SNX9: variants seen among roughly 807,000 people sequenced by gnomAD.
SNX9 encodes the protein sorting nexin-9.
SNX9 carries 44 observed loss-of-function variants against 89.4 expected under a neutral mutation model. That is an observed-to-expected ratio of 0.49 (90% CI 0.39 to 0.63). The LOEUF (loss-of-function observed/expected upper bound fraction) is 0.63, where lower values mean the gene tolerates loss of function less well. Ranked by LOEUF, SNX9 falls within the 30% of genes least tolerant of loss-of-function variation. The pLI, the probability that SNX9 is intolerant of heterozygous loss-of-function variation, is 0.00. For missense variants in SNX9, 578 were observed against 736.1 expected (o/e 0.79, Z 2.49); for synonymous variants, 236 against 247.8 (o/e 0.95, Z 0.45).
intron 1 of SNX9, among the ~76,000 whole-genome samples, chr6:157,842,908 C>T (rs1464146454): frequency 6.6e-6 from 1 of 152,144 alleles, no homozygotes; most frequent in African/African-American, 2.4e-5. Flanking sequence ...GCAGACTGGA[C>T]CCCAGACAAG....
intron 1 of SNX9, among the ~76,000 whole-genome samples, chr6:157,850,878 A>C (rs931128315): frequency 3.9e-5 from 6 of 152,222 alleles, no homozygotes; most frequent in Non-Finnish European, 7.3e-5. Flanking sequence ...GGCTAACGCC[A>C]TAGAAGGAAG....
chr6:157,938,501 CTCTT>C, intron 15 of SNX9, 128 bp from the exon 16 acceptor site: 1 of 581,746 alleles, frequency 1.7e-6, no homozygotes. Context: ...ATGCTTTCCT[CTCTT>C]CTTATTTTGT....
chr6:157,860,763 A>G (rs1246827744), intron 1 of SNX9, among the ~76,000 whole-genome samples: 2 of 152,236 alleles, frequency 1.3e-5, no homozygotes, highest in Non-Finnish European at 2.9e-5. Flanking sequence ...AGTGAACTAC[A>G]GAGAGAGGGA....
Position 157,867,360 on chromosome 6 carries a change from G to T in SNX9, c.13-187G>T, listed in dbSNP as rs559398747. 1.2e-4 allele frequency among the ~76,000 whole-genome samples: 19 copies of T among 152,290 alleles called. No homozygotes were observed. In the South Asian group the frequency reaches 3.9e-3, roughly 32 times the overall value. On this transcript the variant is annotated intron_variant, in intron 1 of 17. Coordinates refer to ENST00000392185, the MANE Select transcript of SNX9 (RefSeq NM_016224.5). Reference sequence around the variant, plus strand: ...TCCGGAACAGAACAGGGCTATCACCGTTGGTGTTATTCTTCCTCAGAGTAG... The same window carrying T: ...TCCGGAACAGAACAGGGCTATCACCTTTGGTGTTATTCTTCCTCAGAGTAG...
chr6:157,840,428 CTTTT>C (rs1562590901), intron 1 of SNX9, among the ~76,000 whole-genome samples: 10 of 144,002 alleles, frequency 6.9e-5, no homozygotes, highest in African/African-American at 2.3e-4. Flanking sequence ...TCTTTTCTTT[CTTTT>C]CTTTCCTTTC....
chr6:157,867,814 G>A (rs545310647), intron 2 of SNX9, among the ~76,000 whole-genome samples, 181 bp downstream of exon 2: 2 of 152,262 alleles, frequency 1.3e-5, no homozygotes, highest in Admixed American at 6.5e-5. Context: ...ATGAAATATT[G>A]ATGGTGAAGT....
chr6:157,891,178 C>T (rs1583220022), intron 4 of SNX9, among the ~76,000 whole-genome samples: 1 of 151,764 alleles, frequency 6.6e-6, no homozygotes, highest in East Asian at 1.9e-4. Context: ...ATTATAGGCT[C>T]CTGCCACCAC....
At chr6:157,870,422 G>A (rs113320890) in intron 2 of SNX9, among the ~76,000 whole-genome samples, 3,121 of 141,880 alleles carry the variant, frequency 0.022, 97 homozygotes, top group African/African-American at 0.077. Flanking sequence ...TCTCACACAC[G>A]CACACTCACA....
intron 1 of SNX9, chr6:157,830,609 T>G (rs1781462010): frequency 6.6e-6 from 1 of 152,250 alleles, no homozygotes; most frequent in Non-Finnish European, 1.5e-5. Context: ...GTGTACTCTT[T>G]GTGATGATGT....
chr6:157,863,572 A>G (rs1194579349), intron 1 of SNX9, among the ~76,000 whole-genome samples: 2 of 152,204 alleles, frequency 1.3e-5, no homozygotes, highest in African/African-American at 4.8e-5. Context: ...ATAGTTGAAG[A>G]ATGAGTTCTT....
At chr6:157,935,856 T>G in intron 13 of SNX9, 108 bp from the exon 14 acceptor site, 3 of 799,360 alleles carry the variant, frequency 3.8e-6, no homozygotes. Context: ...TGAAAATGTT[T>G]GAAAGTTTCT....
Position 157,942,900 on chromosome 6 carries a change from A to G in SNX9, c.*62A>G. The stretch of plus-strand genomic sequence containing the variant: ...CTCCTGACTTGGGGCAATGCAATTC[A>G]AAACTTTTTTTCCCCTATTATTCAG... On this transcript the variant is annotated 3_prime_UTR_variant, in exon 18 of 18. Coordinates refer to ENST00000392185, the MANE Select transcript of SNX9 (RefSeq NM_016224.5). The G allele has an allele frequency of 1.3e-6, 2 of 1,510,882 alleles. No individual in the cohort carries two copies. The highest frequency in any genetic ancestry group is 1.8e-6 in the Non-Finnish European group (2 of 1,119,662). The allele number at this position is 1,510,882 out of a possible 1,614,324, so 93.6% of individuals were successfully genotyped here. A position where few individuals can be genotyped will look rare whatever the true frequency, so the allele number is the denominator to read the frequency against.
At position 157,927,748 on chromosome 6, in the gene SNX9, A is replaced by G. The variant is rs534560308; in HGVS notation, c.1184+534A>G. On this transcript the variant is annotated intron_variant, in intron 11 of 17. Transcript: ENST00000392185. ...TTTTTTTTTTTTTTTTTTTTTTGAG[A>G]CGGAGTCTTGCTCTGTCACCCAGGC... Among the ~76,000 whole-genome samples, 5 of 88,994 alleles carry G rather than the reference A, an allele frequency of 5.6e-5. No individual in the cohort carries two copies. The East Asian group carries it at 1.7e-3, about 29-fold the overall frequency. 58.4% of individuals were successfully genotyped at this position (88,994 alleles called of 152,430 possible). A position where few individuals can be genotyped will look rare whatever the true frequency, so the allele number is the denominator to read the frequency against.
At chr6:157,834,952 A>C (rs1349343946) in intron 1 of SNX9, among the ~76,000 whole-genome samples, 1 of 152,224 alleles carries the variant, frequency 6.6e-6, no homozygotes. Flanking sequence ...CTGTGGTTAC[A>C]ATAGGTTGAG....
Position 157,940,941 on chromosome 6 carries a change from G to A in SNX9, c.1707G>A (p.Leu569=). Residue 569 remains leucine (L), a synonymous_variant, in exon 17 of 18, where the codon CTG becomes CTA. Coordinates refer to ENST00000392185, the MANE Select transcript of SNX9 (RefSeq NM_016224.5). ...RIYDYNSVIR[L]YLEQQVQFYE... is the part of the protein sequence containing the mutation. Reference sequence around the variant, plus strand: ...ATGATTACAACAGTGTCATCCGCCTGTACCTGGAGCAGCAAGTGCAATTTT... The same window carrying A: ...ATGATTACAACAGTGTCATCCGCCTATACCTGGAGCAGCAAGTGCAATTTT... 1 of 1,614,216 alleles carries A rather than the reference G, an allele frequency of 6.2e-7. No individual in the cohort carries two copies. The highest frequency in any genetic ancestry group is 8.5e-7 in the Non-Finnish European group (1 of 1,180,032).
intron 7 of SNX9, among the ~76,000 whole-genome samples, chr6:157,906,877 T>C (rs1783227259): frequency 6.6e-6 from 1 of 152,222 alleles, no homozygotes; most frequent in Non-Finnish European, 1.5e-5. Flanking sequence ...CTGATCCTAT[T>C]GACTTAACCC....
intron 2 of SNX9, among the ~76,000 whole-genome samples, chr6:157,871,018 G>A (rs1782398088): frequency 1.3e-5 from 2 of 152,252 alleles, no homozygotes; most frequent in East Asian, 1.9e-4. Context: ...AATGAGGAAC[G>A]GCAGAAGTGA....
intron 9 of SNX9, among the ~76,000 whole-genome samples, chr6:157,910,935 C>T (rs1003154601): frequency 1.3e-5 from 2 of 152,046 alleles, no homozygotes; most frequent in Admixed American, 1.3e-4. Flanking sequence ...TCCAGGCTAA[C>T]ACGGTGTAAC....
chr6:157,837,718 T>C (rs946310445), intron 1 of SNX9, among the ~76,000 whole-genome samples: 2 of 152,198 alleles, frequency 1.3e-5, no homozygotes, highest in East Asian at 1.9e-4. Flanking sequence ...CCCATATGCA[T>C]GAAGGCATGG....
Sources: gnomAD v4.1 joint callset for allele counts (sites outside exome capture counted in the v4.1 genomes callset) on GRCh38, gnomAD v4.1.1 for gene constraint, MANE v1.5 for transcripts, NCBI Gene and HGNC (gene_info 2026-07-23, HGNC 2026-07-21) for gene names.